Variants in CFTR observed in about 807,000 individuals in gnomAD.
CFTR encodes CF transmembrane conductance regulator.
Under a neutral mutation model 171.6 loss-of-function variants are expected in CFTR, and 181 were observed. That is an observed-to-expected ratio of 1.05 (90% confidence interval 0.93 to 1.19). CFTR has a LOEUF of 1.19. Ranked by LOEUF, CFTR falls within the 50% of genes most tolerant of loss-of-function variation. CFTR has a pLI of 0.00. For synonymous variants in CFTR, 583 were observed against 608.0 expected (o/e 0.96, Z 0.60); for missense variants, 1,968 against 1,734.7 (o/e 1.13, Z -2.39).
chr7:117,510,240 A>T (rs1234683118), intron 3 of CFTR, among the ~76,000 whole-genome samples: 1 of 152,198 alleles, frequency 6.6e-6, no homozygotes, highest in African/African-American at 2.4e-5. Flanking sequence ...CTGGATAATT[A>T]AATTACTTTT....
At chr7:117,639,672 T>C (rs141864792) in intron 22 of CFTR, among the ~76,000 whole-genome samples, 295 of 152,320 alleles carry the variant, frequency 1.9e-3, no homozygotes, top group African/African-American at 7.0e-3. Context: ...ATTCAAATCA[T>C]ATCAGCACAA....
intron 21 of CFTR, chr7:117,616,221 T>C (rs1460579695): frequency 1.1e-5 from 1 of 93,884 alleles, no homozygotes; most frequent in African/African-American, 4.2e-5. Flanking sequence ...TAAAGTTGGT[T>C]TCTTTACCTT....
At chr7:117,566,812 AC>A (rs1791609449) in intron 11 of CFTR, among the ~76,000 whole-genome samples, 1 of 152,224 alleles carries the variant, frequency 6.6e-6, no homozygotes, top group African/African-American at 2.4e-5. Flanking sequence ...TGACAACTTC[AC>A]CCAGAGTTTG....
Position 117,603,730 on chromosome 7 carries a change from G to A in CFTR, c.2856G>A (p.Met952Ile), listed in dbSNP as rs151048781. The A allele has an allele frequency of 1.5e-5, 25 of 1,614,016 alleles. 1 individual carries two copies. In the Admixed American group the frequency reaches 3.2e-4, roughly 20 times the overall value. Residue 952 changes from methionine to isoleucine, a missense_variant, in exon 17 of 27, where the codon ATG (methionine) becomes ATA (isoleucine). Physicochemically the swap from Met to Ile is conservative, Grantham distance 10. Transcript: ENST00000003084. ...ITVSKILHHKMLHSVLQAPMS... is the reference protein window; with the variant it reads ...ITVSKILHHKILHSVLQAPMS... ...TGTCGAAAATTTTACACCACAAAATGTTACATTCTGTTCTTCAAGCACCTA... is the reference window on the plus strand; with the variant it reads ...TGTCGAAAATTTTACACCACAAAATATTACATTCTGTTCTTCAAGCACCTA...
intron 24 of CFTR, among the ~76,000 whole-genome samples, 153 bp from the exon 25 acceptor site, chr7:117,664,535 T>C (rs537097031): frequency 1.1e-3 from 161 of 152,304 alleles, no homozygotes; most frequent in African/African-American, 3.7e-3. Flanking sequence ...AAATAGACTT[T>C]TGCTCAATCA....
chr7:117,627,503 G>T lies in CFTR; in HGVS notation c.3469-19G>T, dbSNP rs1011678770. 10 of 1,612,228 alleles carry T rather than the reference G, an allele frequency of 6.2e-6. No homozygotes were observed. Among genetic ancestry groups the T allele is most frequent in the Non-Finnish European group, 8.5e-6 (10 of 1,178,870 alleles). The stretch of plus-strand genomic sequence containing the variant: ...GTCTGCCATTCTTAAAAACAAAAAT[G>T]TTGTTATTTTTATTTCAGATGCGAT... On this transcript the variant is annotated intron_variant, in intron 21 of 26. Transcript: ENST00000003084.
At chr7:117,524,274 C>G (rs1268581949) in intron 3 of CFTR, among the ~76,000 whole-genome samples, 3 of 151,800 alleles carry the variant, frequency 2.0e-5, no homozygotes, top group Non-Finnish European at 4.4e-5. Flanking sequence ...AATAATGCCC[C>G]TTGCTCTCTG....
chr7:117,510,366 G>C (rs1212290791), intron 3 of CFTR, among the ~76,000 whole-genome samples: 1 of 151,990 alleles, frequency 6.6e-6, no homozygotes, highest in Non-Finnish European at 1.5e-5. Flanking sequence ...AAGTTTTGCT[G>C]GTTGCTTTGA....
chr7:117,480,273 T>C (rs1797981500), intron 1 of CFTR, 126 bp downstream of exon 1: 6 of 863,712 alleles, frequency 6.9e-6, no homozygotes, highest in Non-Finnish European at 1.2e-5. Context: ...ATTCATTGTT[T>C]TGAAAGAAAA....
intron 2 of CFTR, among the ~76,000 whole-genome samples, chr7:117,507,407 C>A (rs1378684772): frequency 1.3e-5 from 2 of 152,204 alleles, no homozygotes; most frequent in Non-Finnish European, 2.9e-5. Flanking sequence ...TCACTAGAGA[C>A]CTCTTATGAA....
chr7:117,590,174 TAGTA>T (rs1584811291), intron 12 of CFTR, among the ~76,000 whole-genome samples, 175 bp from the exon 13 acceptor site: 1 of 152,036 alleles, frequency 6.6e-6, no homozygotes, highest in African/African-American at 2.4e-5. Context: ...TAATCTACCA[TAGTA>T]AAAACATGTA....
At chr7:117,502,806 T>C (rs1798353368) in intron 1 of CFTR, among the ~76,000 whole-genome samples, 2 of 152,372 alleles carry the variant, frequency 1.3e-5, no homozygotes, top group South Asian at 4.1e-4. Context: ...AGACAGCTCT[T>C]GTTAAAATGC....
intron 11 of CFTR, among the ~76,000 whole-genome samples, chr7:117,562,966 C>T (rs1791539548): frequency 6.6e-6 from 1 of 152,098 alleles, no homozygotes; most frequent in Non-Finnish European, 1.5e-5. Context: ...AAGGCCATGT[C>T]ATGGAGGCCT....
intron 3 of CFTR, 125 bp downstream of exon 3, chr7:117,509,267 C>T: frequency 7.2e-6 from 5 of 694,962 alleles, no homozygotes; most frequent in Non-Finnish European, 1.3e-5. Context: ...ACTCCAAACA[C>T]TAAGAAACCA....
intron 11 of CFTR, among the ~76,000 whole-genome samples, chr7:117,561,607 A>G (rs2115945363): frequency 6.6e-6 from 1 of 152,306 alleles, no homozygotes; most frequent in African/African-American, 2.4e-5. Flanking sequence ...TCTAAAGAAG[A>G]ATAAGGTAAG....
intron 1 of CFTR, among the ~76,000 whole-genome samples, chr7:117,500,676 G>A (rs988186523): frequency 1.3e-5 from 2 of 152,012 alleles, no homozygotes; most frequent in African/African-American, 4.8e-5. Context: ...GTCATTGTTG[G>A]GCAGCATAAG....
rs1792254025 is a variant in CFTR, at chr7:117,603,400, G to A, written c.2658-132G>A. The A allele has an allele frequency of 4.6e-6, 4 of 871,452 alleles. No homozygotes were observed. The Admixed American group carries it at 7.9e-5, about 17-fold the overall frequency. The allele number at this position is 871,452 out of a possible 1,614,324, so 54.0% of individuals were successfully genotyped here. ...TCTTGCAATAATAGTATGATTTTGA[G>A]GTTAAGGGTGCATGCTCTTCTAATG... is the stretch of plus-strand genomic sequence containing the variant. On this transcript the variant is annotated intron_variant, in intron 16 of 26. Coordinates refer to ENST00000003084, the MANE Select transcript of CFTR (RefSeq NM_000492.4).
chr7:117,635,910 C>A (rs1031005487), intron 22 of CFTR, among the ~76,000 whole-genome samples: 1 of 151,976 alleles, frequency 6.6e-6, no homozygotes, highest in South Asian at 2.1e-4. Context: ...AAAAATAGTT[C>A]TAATTTTATT....
At chr7:117,623,183 A>G (rs555579612) in intron 21 of CFTR, among the ~76,000 whole-genome samples, 9 of 152,234 alleles carry the variant, frequency 5.9e-5, no homozygotes, top group African/African-American at 2.2e-4. Flanking sequence ...CTTCCCCACA[A>G]ATGAAGAATG....
Sources: allele counts gnomAD v4.1 joint callset (sites outside exome capture counted in the v4.1 genomes callset), GRCh38; gene constraint gnomAD v4.1.1; transcripts MANE v1.5; gene names NCBI Gene and HGNC (gene_info 2026-07-23, HGNC 2026-07-21).